Variants in ATR observed in about 807,000 individuals in gnomAD.
The protein encoded by ATR is serine/threonine-protein kinase ATR.
A neutral mutation model predicts 305.3 loss-of-function variants in ATR; 142 were observed. The observed-to-expected ratio is 0.47, with a 90% CI of 0.41 to 0.53. The LOEUF is 0.53. ATR is among the 20% of genes least tolerant of loss of function. The pLI is 0.00. For missense variants in ATR, 2,135 were observed against 3,133.1 expected (o/e 0.68, Z 7.60); for synonymous variants, 1,050 against 1,068.1 (o/e 0.98, Z 0.33).
At chr3:142,471,564 G>C (rs371131942) in intron 36 of ATR, among the ~76,000 whole-genome samples, 20 of 152,064 alleles carry the variant, frequency 1.3e-4, no homozygotes, top group African/African-American at 4.8e-4. Context: ...GAGCTAGCAG[G>C]TTTTTTTAAA....
chr3:142,531,657 C>G (rs1306740027), intron 21 of ATR, among the ~76,000 whole-genome samples: 2 of 152,060 alleles, frequency 1.3e-5, no homozygotes, highest in South Asian at 2.1e-4. Context: ...GTCTATCATT[C>G]TTGGACATTT....
intron 23 of ATR, among the ~76,000 whole-genome samples, chr3:142,522,521 T>A (rs954203302): frequency 6.6e-6 from 1 of 152,182 alleles, no homozygotes; most frequent in Non-Finnish European, 1.5e-5. Flanking sequence ...TATATTTGTA[T>A]ATACATACAA....
chr3:142,458,796 G>A (rs1012564977), intron 44 of ATR, among the ~76,000 whole-genome samples, 162 bp downstream of exon 44: 12 of 151,970 alleles, frequency 7.9e-5, no homozygotes, highest in African/African-American at 1.2e-4. Flanking sequence ...ATCCTAATAC[G>A]CATTACTACA....
chr3:142,471,567 T>G (rs1404498873), intron 36 of ATR, among the ~76,000 whole-genome samples: 1 of 152,214 alleles, frequency 6.6e-6, no homozygotes, highest in Non-Finnish European at 1.5e-5. Flanking sequence ...CTAGCAGGTT[T>G]TTTTAAAGGT....
chr3:142,468,346 A>G (rs559098430), intron 38 of ATR, among the ~76,000 whole-genome samples: 1 of 152,134 alleles, frequency 6.6e-6, no homozygotes, highest in Non-Finnish European at 1.5e-5. Context: ...TTGCAAGAAA[A>G]ATAGAAATAA....
intron 42 of ATR, 100 bp from the exon 43 acceptor site, chr3:142,459,483 A>G: frequency 2.3e-6 from 3 of 1,326,928 alleles, no homozygotes; most frequent in Non-Finnish European, 3.2e-6. Context: ...ACTTTTATTC[A>G]AATTGTTATT....
In ATR at chr3:142,507,933, G is replaced by A. The variant is rs773596047; in HGVS notation, c.5029C>T (p.Gln1677Ter). Residue 1677 changes from glutamine to a stop codon, truncating the protein, a stop_gained and splice_region_variant, in exon 28 of 47, where the codon CAG becomes TAG. Coordinates refer to ENST00000350721, the MANE Select transcript of ATR (RefSeq NM_001184.4). LOFTEE classifies it high-confidence loss of function. ...AATTCACTATATTAACTTCAGACCT[G>A]TAAAAATCCAAGATGTTCCTGAATA... ...QNIQEHLGFL[Q>*]KLYAAMHEPD... 9 of 1,599,548 alleles carry A rather than the reference G, an allele frequency of 5.6e-6. No homozygotes were observed. The highest frequency in any genetic ancestry group is 6.9e-6 in the Non-Finnish European group (8 of 1,166,954).
chr3:142,477,335 A>G (rs2029932830), intron 36 of ATR, among the ~76,000 whole-genome samples: 1 of 152,192 alleles, frequency 6.6e-6, no homozygotes, highest in African/African-American at 2.4e-5. Flanking sequence ...CCTTTTCTGC[A>G]TCTATTGACA....
intron 30 of ATR, among the ~76,000 whole-genome samples, chr3:142,501,801 G>A (rs1259290512): frequency 6.6e-6 from 1 of 152,160 alleles, no homozygotes; most frequent in Admixed American, 6.5e-5. Context: ...CTGGAGTGCA[G>A]TGGTGCAATC....
At chr3:142,459,729 G>A (rs2070983962) in intron 42 of ATR, among the ~76,000 whole-genome samples, 1 of 151,962 alleles carries the variant, frequency 6.6e-6, no homozygotes, top group South Asian at 2.1e-4. Flanking sequence ...AGGTTCTGCA[G>A]GGCTGACTGA....
chr3:142,454,645 G>T (rs1311798713), intron 45 of ATR, among the ~76,000 whole-genome samples: 1 of 151,786 alleles, frequency 6.6e-6, no homozygotes, highest in Non-Finnish European at 1.5e-5. Flanking sequence ...GTTTCACCGT[G>T]TTAGCCAGGA....
intron 36 of ATR, among the ~76,000 whole-genome samples, chr3:142,482,233 G>T (rs2030554302): frequency 6.6e-6 from 1 of 152,070 alleles, no homozygotes; most frequent in South Asian, 2.1e-4. Flanking sequence ...GGCAAACATT[G>T]ATATTTAATC....
chr3:142,538,393 G>A (rs951182502), intron 19 of ATR, 89 bp downstream of exon 19: 1 of 1,403,344 alleles, frequency 7.1e-7, no homozygotes, highest in Non-Finnish European at 9.8e-7. Context: ...TCAAAAAAGT[G>A]ACAGTTTCCA....
chr3:142,535,407 A>G (rs1321595341), intron 20 of ATR, among the ~76,000 whole-genome samples: 2 of 152,172 alleles, frequency 1.3e-5, no homozygotes, highest in African/African-American at 4.8e-5. Context: ...TAAAACTGTT[A>G]GACCTGGAGA....
intron 5 of ATR, 52 bp downstream of exon 5, chr3:142,561,191 G>T (rs1422422155): frequency 8.9e-6 from 14 of 1,578,858 alleles, no homozygotes; most frequent in South Asian, 1.1e-5. Flanking sequence ...TTTTAAAAGT[G>T]AACAAAGTTT....
chr3:142,468,617 C>G (rs942638108), intron 38 of ATR, among the ~76,000 whole-genome samples: 2 of 152,076 alleles, frequency 1.3e-5, no homozygotes, highest in African/African-American at 4.8e-5. Flanking sequence ...TCTAAATTCT[C>G]TAAACATTTA....
intron 18 of ATR, among the ~76,000 whole-genome samples, chr3:142,539,582 A>G (rs1002424877): frequency 4.6e-5 from 7 of 152,156 alleles, no homozygotes; most frequent in African/African-American, 1.7e-4. Flanking sequence ...TTGATTAACT[A>G]AAGGGAAATA....
rs774385622 is a variant in ATR at position 142,578,716 on chromosome 3, G to A, written c.-12C>T. ...CCATGTTCCCCCATGCTGAGGCTGC[G>A]AGGCACTAGTCAACCACGCCAACGC... On this transcript the variant is annotated 5_prime_UTR_variant, in exon 1 of 47. Transcript: ENST00000350721. 3 of 1,611,142 alleles carry A rather than the reference G, an allele frequency of 1.9e-6. No homozygotes were observed. The highest frequency in any genetic ancestry group is 2.2e-5 in the East Asian group (1 of 44,854).
chr3:142,471,474 C>A (rs1344147218), intron 36 of ATR, among the ~76,000 whole-genome samples: 1 of 152,132 alleles, frequency 6.6e-6, no homozygotes, highest in Non-Finnish European at 1.5e-5. Context: ...TTGCATTTAC[C>A]ATTCTACAAC....
Sources: allele counts gnomAD v4.1 joint callset (sites outside exome capture counted in the v4.1 genomes callset), GRCh38; gene constraint gnomAD v4.1.1; transcripts MANE v1.5; gene names NCBI Gene and HGNC (gene_info 2026-07-23, HGNC 2026-07-21).